Variants in STRN3 observed in about 807,000 individuals in gnomAD.
STRN3 encodes striatin 3.
STRN3 carries 29 observed loss-of-function variants against 95.6 expected under a neutral mutation model. That is an observed-to-expected ratio of 0.30 (90% CI 0.23 to 0.41). STRN3 has a LOEUF of 0.41. STRN3 is among the 10% of genes least tolerant of loss of function. The pLI is 1.00. For synonymous variants in STRN3, 331 were observed against 357.6 expected (o/e 0.93, Z 0.84); for missense variants, 890 against 972.1 (o/e 0.92, Z 1.12).
intron 5 of STRN3, among the ~76,000 whole-genome samples, chr14:30,938,417 T>C (rs538767300): frequency 1.3e-5 from 2 of 152,206 alleles, no homozygotes; most frequent in Non-Finnish European, 2.9e-5. Flanking sequence ...ATATCAATGA[T>C]ACAATAATTT....
intron 1 of STRN3, among the ~76,000 whole-genome samples, chr14:31,019,207 C>T (rs1045829616): frequency 6.6e-6 from 1 of 152,086 alleles, no homozygotes; most frequent in Non-Finnish European, 1.5e-5. Flanking sequence ...ATTTGGGAGG[C>T]TGAAGTGGGA....
chr14:31,019,858 A>C (rs967408302), intron 1 of STRN3, among the ~76,000 whole-genome samples: 1 of 151,746 alleles, frequency 6.6e-6, no homozygotes, highest in African/African-American at 2.4e-5. Flanking sequence ...TAGCCTTTTG[A>C]ATCATTATAG....
intron 1 of STRN3, among the ~76,000 whole-genome samples, chr14:31,012,757 G>C (rs1883028223): frequency 6.6e-6 from 1 of 152,016 alleles, no homozygotes; most frequent in South Asian, 2.1e-4. Context: ...AGATGGGTGT[G>C]GTGGTGGGCG....
At chr14:31,013,495 A>G (rs533626134) in intron 1 of STRN3, among the ~76,000 whole-genome samples, 80 of 152,308 alleles carry the variant, frequency 5.3e-4, no homozygotes, top group African/African-American at 1.8e-3. Flanking sequence ...AGGGACACAC[A>G]CAGACTAAAA....
At chr14:30,912,396 T>C in intron 10 of STRN3, 1 of 394,414 alleles carries the variant, frequency 2.5e-6, no homozygotes, top group Non-Finnish European at 4.4e-6. Flanking sequence ...ACAAATAGCC[T>C]AGGTCAAATG....
chr14:30,910,978 G>A (rs940930663), intron 13 of STRN3, 63 bp downstream of exon 13: 3 of 1,546,366 alleles, frequency 1.9e-6, no homozygotes, highest in African/African-American at 2.8e-5. Context: ...AATCATATTT[G>A]AGGTATTTAC....
chr14:30,966,338 G>T (rs1329975546), intron 1 of STRN3, among the ~76,000 whole-genome samples: 1 of 152,126 alleles, frequency 6.6e-6, no homozygotes, highest in Non-Finnish European at 1.5e-5. Flanking sequence ...GAATTAAAAA[G>T]AAAATTTTAT....
At chr14:30,902,500 A>G (rs1224381771) in intron 16 of STRN3, 36 bp downstream of exon 16, 34 of 1,348,126 alleles carry the variant, frequency 2.5e-5, no homozygotes, top group Non-Finnish European at 3.1e-5. Context: ...TCAAATTTAC[A>G]GTATTACTAA....
At chr14:30,912,314 T>G in intron 10 of STRN3, 132 bp from the exon 11 acceptor site, 2 of 744,612 alleles carry the variant, frequency 2.7e-6, no homozygotes, top group Non-Finnish European at 4.0e-6. Flanking sequence ...CAGTGGAAAT[T>G]TAATGTACCT....
Position 30,895,591 on chromosome 14 carries a change from A to T in STRN3, c.2225-11T>A, listed in dbSNP as rs200172123. On this transcript the variant is annotated splice_polypyrimidine_tract_variant and intron_variant, in intron 17 of 17. Coordinates refer to ENST00000357479, the MANE Select transcript of STRN3 (RefSeq NM_001083893.2). ...TGGAACAGTCATGGCCTGTAAAAGA[A>T]CAAATAAAATTTGTTACTGAGTAAC... The T allele has an allele frequency of 7.5e-6, 12 of 1,610,346 alleles. No homozygotes were observed. Among genetic ancestry groups the T allele is most frequent in the African/African-American group, 1.3e-5 (1 of 74,724 alleles).
chr14:30,917,936 A>C (rs1279776813), intron 9 of STRN3, among the ~76,000 whole-genome samples: 6 of 152,160 alleles, frequency 3.9e-5, no homozygotes, highest in African/African-American at 7.2e-5. Flanking sequence ...ATGTCACAAT[A>C]ATCTTTGGTT....
chr14:30,938,347 A>G (rs894995598), intron 5 of STRN3, among the ~76,000 whole-genome samples: 1 of 152,216 alleles, frequency 6.6e-6, no homozygotes, highest in Non-Finnish European at 1.5e-5. Context: ...CAAAATTTAC[A>G]ATATAACTTA....
intron 1 of STRN3, among the ~76,000 whole-genome samples, chr14:30,977,538 C>T (rs1021134457): frequency 6.6e-6 from 1 of 151,262 alleles, no homozygotes; most frequent in Non-Finnish European, 1.5e-5. Context: ...AATCCCAGCA[C>T]TTTGGGAAGC....
intron 1 of STRN3, among the ~76,000 whole-genome samples, chr14:31,016,083 A>T (rs1883224547): frequency 6.6e-6 from 1 of 152,212 alleles, no homozygotes; most frequent in Non-Finnish European, 1.5e-5. Context: ...GGGGAGCAAT[A>T]ATAATTCTCA....
At chr14:30,963,722 C>T (rs1045745187) in intron 1 of STRN3, among the ~76,000 whole-genome samples, 1 of 152,050 alleles carries the variant, frequency 6.6e-6, no homozygotes, top group Admixed American at 6.6e-5. Context: ...GTCTTAATAA[C>T]TTTAAAAAGA....
intron 13 of STRN3, among the ~76,000 whole-genome samples, chr14:30,909,299 G>A (rs1350517740): frequency 1.3e-5 from 2 of 152,142 alleles, no homozygotes; most frequent in Non-Finnish European, 2.9e-5. Context: ...GAGCCCAGGA[G>A]TTTAAGACCA....
Position 30,947,163 on chromosome 14 carries a change from C to G in STRN3, c.643G>C (p.Val215Leu). The G allele has an allele frequency of 6.2e-7, 1 of 1,613,108 alleles. No individual in the cohort carries two copies. The highest frequency in any genetic ancestry group is 8.5e-7 in the Non-Finnish European group (1 of 1,179,678). ...GLSNSEPNGS[V>L]ETKNLEQILN... ...ATCTGTTCTAAATTCTTTGTTTCTA[C>G]TGATCCATTTGGTTCTGAATTAGAT... The change falls in exon 5 of 18, where the codon GTA becomes CTA. Residue 215 changes from valine to leucine, a missense_variant. This residue lies in a region of STRN3 where 526 missense variants were observed against 526.3 expected (regional missense o/e 1.00). Transcript: ENST00000357479.
intron 1 of STRN3, among the ~76,000 whole-genome samples, chr14:31,014,388 A>AT (rs1883139062): frequency 6.6e-6 from 1 of 151,664 alleles, no homozygotes; most frequent in South Asian, 2.1e-4. Context: ...CACCCTGCTA[A>AT]TTTTTGTATT....
intron 1 of STRN3, among the ~76,000 whole-genome samples, chr14:30,962,001 G>C (rs1880231760): frequency 6.6e-6 from 1 of 152,206 alleles, no homozygotes; most frequent in African/African-American, 2.4e-5. Flanking sequence ...TCCAGAAGAA[G>C]ATATTGTTGT....
Sources: allele counts gnomAD v4.1 joint callset (sites outside exome capture counted in the v4.1 genomes callset), GRCh38; gene constraint gnomAD v4.1.1; regional missense constraint gnomAD v4.1.1; transcripts MANE v1.5; gene names NCBI Gene and HGNC (gene_info 2026-07-23, HGNC 2026-07-21).